Variants in SKAP1 observed in about 807,000 individuals in gnomAD.
SKAP1 encodes the protein src kinase associated phosphoprotein 1, also known as src kinase-associated phosphoprotein 1.
A neutral mutation model predicts 58.5 loss-of-function variants in SKAP1; 44 were observed. The ratio of observed to expected loss-of-function variants is 0.75; its 90% CI spans 0.59 to 0.97. The LOEUF is 0.97. Among genes scored for constraint, SKAP1 ranks in the 50% least tolerant of loss-of-function variants. SKAP1 has a pLI of 0.00. For missense variants in SKAP1, 390 were observed against 435.2 expected (o/e 0.90, Z 0.92); for synonymous variants, 127 against 149.7 (o/e 0.85, Z 1.11).
At chr17:48,156,466 T>C (rs1461993785) in intron 11 of SKAP1, 1 of 530,762 alleles carries the variant, frequency 1.9e-6, no homozygotes, top group South Asian at 1.4e-5. Flanking sequence ...TGAAGAGCGC[T>C]AAACACCCTG....
At chr17:48,283,582 G>T (rs567616545) in intron 4 of SKAP1, among the ~76,000 whole-genome samples, 18 of 152,302 alleles carry the variant, frequency 1.2e-4, no homozygotes, top group Admixed American at 6.5e-4. Flanking sequence ...TGGCTGACTG[G>T]CTATATTTCA....
At chr17:48,288,802 G>T (rs963985941) in intron 4 of SKAP1, among the ~76,000 whole-genome samples, 1 of 152,186 alleles carries the variant, frequency 6.6e-6, no homozygotes, top group Non-Finnish European at 1.5e-5. Flanking sequence ...CAAGAGAAAT[G>T]CTGGGAAATA....
intron 4 of SKAP1, among the ~76,000 whole-genome samples, chr17:48,214,656 T>C (rs1598433906): frequency 2.7e-5 from 4 of 150,400 alleles, no homozygotes; most frequent in Admixed American, 2.7e-4. Context: ...GAGGCTGGGC[T>C]CACACCTGTA....
intron 9 of SKAP1, among the ~76,000 whole-genome samples, chr17:48,173,280 T>C (rs2064241757): frequency 6.6e-6 from 1 of 152,088 alleles, no homozygotes; most frequent in African/African-American, 2.4e-5. Flanking sequence ...GACTCAACAG[T>C]TCTTATAGCC....
chr17:48,212,783 C>G (rs538521855), intron 4 of SKAP1, among the ~76,000 whole-genome samples: 1 of 152,290 alleles, frequency 6.6e-6, no homozygotes, highest in African/African-American at 2.4e-5. Flanking sequence ...TGTTTCCTTT[C>G]TTTGTGTTTC....
At chr17:48,139,847 C>A (rs2063746628) in intron 11 of SKAP1, among the ~76,000 whole-genome samples, 1 of 152,146 alleles carries the variant, frequency 6.6e-6, no homozygotes, top group African/African-American at 2.4e-5. Context: ...ATCTTTCTTT[C>A]CCATTAAAGT....
chr17:48,318,637 A>G lies in SKAP1; in HGVS notation c.280+27268T>C, dbSNP rs546474207. On this transcript the variant is annotated intron_variant, in intron 4 of 12. Coordinates refer to ENST00000336915, the MANE Select transcript of SKAP1 (RefSeq NM_003726.4). ...TTCCAGCACTTTGGGAGGCCACGGCAGGAAGACTGCTTGAGGCCAGGAGTT... is the reference window on the plus strand; with the variant it reads ...TTCCAGCACTTTGGGAGGCCACGGCGGGAAGACTGCTTGAGGCCAGGAGTT... Among the ~76,000 whole-genome samples the G allele has an allele frequency of 3.9e-5, 6 of 152,360 alleles. No homozygotes were observed. The East Asian group carries it at 9.6e-4, about 24-fold the overall frequency.
chr17:48,422,761 T>C (rs2144615304), intron 1 of SKAP1, among the ~76,000 whole-genome samples: 1 of 152,302 alleles, frequency 6.6e-6, no homozygotes, highest in Non-Finnish European at 1.5e-5. Flanking sequence ...AATTTCTAAT[T>C]CTCGGCAACA....
At chr17:48,435,687 T>C in the SKAP1 span, among the ~76,000 whole-genome samples, 1 of 152,216 alleles carries the variant, frequency 6.6e-6, no homozygotes, top group Non-Finnish European at 1.5e-5. Flanking sequence ...CCCAAACCCC[T>C]TCCTTACTTT....
intron 1 of SKAP1, among the ~76,000 whole-genome samples, chr17:48,416,153 G>A (rs570058118): frequency 2.6e-5 from 4 of 152,220 alleles, no homozygotes; most frequent in African/African-American, 9.6e-5. Flanking sequence ...TTAAAAAATT[G>A]TAGGAGCAGG....
chr17:48,346,723 C>A (rs2066728676), intron 3 of SKAP1, among the ~76,000 whole-genome samples: 3 of 152,008 alleles, frequency 2.0e-5, no homozygotes, highest in Admixed American at 2.0e-4. Flanking sequence ...TAGGACTGAC[C>A]CAAAGGTTTA....
intron 2 of SKAP1, among the ~76,000 whole-genome samples, chr17:48,370,181 C>T (rs1052977515): frequency 6.6e-6 from 1 of 152,166 alleles, no homozygotes; most frequent in African/African-American, 2.4e-5. Flanking sequence ...TTGCAAAAAG[C>T]ATGAACAGAC....
chr17:48,137,213 G>C lies in SKAP1; in HGVS notation c.*7+16C>G. The C allele has an allele frequency of 2.0e-6, 3 of 1,536,698 alleles. No homozygotes were observed. The highest frequency in any genetic ancestry group is 2.7e-6 in the Non-Finnish European group (3 of 1,110,060). On this transcript the variant is annotated intron_variant, in intron 12 of 12. Coordinates refer to ENST00000336915, the MANE Select transcript of SKAP1 (RefSeq NM_003726.4). ...CACTCAACTATTAGGCAGTTCATTG[G>C]CCATGGTTCTGATACCTGGGTTTCA...
chr17:48,137,143 G>C, intron 12 of SKAP1, 86 bp downstream of exon 12: 1 of 758,150 alleles, frequency 1.3e-6, no homozygotes, highest in Non-Finnish European at 2.2e-6. Context: ...TACTTCACTG[G>C]CAACTCTCAT....
chr17:48,329,572 C>T (rs1375272203), intron 4 of SKAP1, among the ~76,000 whole-genome samples: 4 of 151,990 alleles, frequency 2.6e-5, no homozygotes, highest in South Asian at 2.1e-4. Flanking sequence ...CCGGGCGTGG[C>T]GGCAGGCGCC....
intron 1 of SKAP1, among the ~76,000 whole-genome samples, chr17:48,408,018 A>G (rs576039449): frequency 2.0e-5 from 3 of 152,346 alleles, no homozygotes. Context: ...AGGCAGAGTA[A>G]AAAGGAGCAA....
At chr17:48,231,720 C>T (rs2938480) in intron 4 of SKAP1, 126,330 of 152,002 alleles carry the variant, frequency 0.83, 52,559 homozygotes, top group East Asian at 0.95. Flanking sequence ...CTTAGAGAGC[C>T]TCCACCTCCC....
chr17:48,226,346 CG>C (rs1467238544), intron 4 of SKAP1, among the ~76,000 whole-genome samples: 1 of 151,748 alleles, frequency 6.6e-6, no homozygotes, highest in Admixed American at 6.6e-5. Flanking sequence ...CCCCAAGATA[CG>C]TTTTTTTTTT....
chr17:48,334,997 T>G (rs1169723970), intron 4 of SKAP1, among the ~76,000 whole-genome samples: 2 of 151,874 alleles, frequency 1.3e-5, no homozygotes, highest in Non-Finnish European at 3.0e-5. Context: ...AGTTTCCTAA[T>G]TAATATTTGA....
Sources: allele counts gnomAD v4.1 joint callset (sites outside exome capture counted in the v4.1 genomes callset), GRCh38; gene constraint gnomAD v4.1.1; transcripts MANE v1.5; gene names NCBI Gene and HGNC (gene_info 2026-07-23, HGNC 2026-07-21).